Variants in EEIG2 observed in about 807,000 individuals in gnomAD.
EEIG2 encodes family with sequence similarity 102 member B.
chr1:108,629,876 T>C, the EEIG2 span: 1 of 562,344 alleles, frequency 1.8e-6, no homozygotes, highest in Non-Finnish European at 3.2e-6. Flanking sequence ...TTTAATTTCC[T>C]TAGAAATATT....
At chr1:108,598,470 CT>C in the EEIG2 span, among the ~76,000 whole-genome samples, 1 of 151,826 alleles carries the variant, frequency 6.6e-6, no homozygotes, top group Non-Finnish European at 1.5e-5. Flanking sequence ...AGTCCTCCAG[CT>C]GCCTGACAAG....
chr1:108,639,181 T>A, the EEIG2 span: 1 of 152,086 alleles, frequency 6.6e-6, no homozygotes, highest in African/African-American at 2.4e-5. Context: ...CATATTTATA[T>A]ATTTTATTTC....
chr1:108,560,124 GC>G, the EEIG2 span: 1 of 169,194 alleles, frequency 5.9e-6, no homozygotes. Flanking sequence ...GGCGGCGGAG[GC>G]GGCGGCGGCG....
At chr1:108,579,772 T>TGTGTGTGTGTGTGAGAGAGAGAGA in the EEIG2 span, among the ~76,000 whole-genome samples, 1 of 58,822 alleles carries the variant, frequency 1.7e-5, no homozygotes, top group Non-Finnish European at 3.3e-5. Flanking sequence ...TGTGTGTGTG[T>TGTGTGTGTGTGTGAGAGAGAGAGA]GAGAGAGAGA....
chr1:108,605,095 AGGATGAAAC>A, the EEIG2 span, among the ~76,000 whole-genome samples: 1 of 152,122 alleles, frequency 6.6e-6, no homozygotes. Flanking sequence ...AGGGAAAATA[AGGATGAAAC>A]CCCAATTGGA....
the EEIG2 span, among the ~76,000 whole-genome samples, chr1:108,611,517 T>C: frequency 6.6e-6 from 1 of 152,144 alleles, no homozygotes; most frequent in Non-Finnish European, 1.5e-5. Context: ...AGAGGGTTGA[T>C]GTGGGGCAGA....
chr1:108,579,772 T>TGTGTGTGTGTGTGAGA, the EEIG2 span, among the ~76,000 whole-genome samples: 47 of 58,868 alleles, frequency 8.0e-4, no homozygotes, highest in African/African-American at 2.9e-3. Flanking sequence ...TGTGTGTGTG[T>TGTGTGTGTGTGTGAGA]GAGAGAGAGA....
At chr1:108,628,881 C>T in the EEIG2 span, 7 of 1,330,538 alleles carry the variant, frequency 5.3e-6, no homozygotes, top group East Asian at 9.4e-5. Flanking sequence ...TAAAGAGGCT[C>T]AGAACATCAT....
At chr1:108,624,983 A>G in the EEIG2 span, 5 of 431,388 alleles carry the variant, frequency 1.2e-5, no homozygotes, top group East Asian at 1.8e-4. Flanking sequence ...TCTACTCCCC[A>G]CAGGTACAAG....
At chr1:108,572,309 A>G in the EEIG2 span, among the ~76,000 whole-genome samples, 22 of 152,164 alleles carry the variant, frequency 1.4e-4, no homozygotes, top group Non-Finnish European at 4.4e-5. Context: ...AATGGAAAAT[A>G]CGCAGAGTTT....
chr1:108,576,952 G>A, the EEIG2 span, among the ~76,000 whole-genome samples: 26 of 151,470 alleles, frequency 1.7e-4, no homozygotes, highest in Admixed American at 6.6e-4. Context: ...ATCCTCTCCA[G>A]CACCTGTTGT....
the EEIG2 span, among the ~76,000 whole-genome samples, chr1:108,573,291 G>A: frequency 1.3e-5 from 2 of 152,220 alleles, no homozygotes; most frequent in Non-Finnish European, 2.9e-5. Flanking sequence ...GATAGAGCAA[G>A]TCTAAAATTC....
chr1:108,635,312 G>C, the EEIG2 span: 2 of 787,572 alleles, frequency 2.5e-6, no homozygotes, highest in Non-Finnish European at 4.1e-6. Context: ...TCCTGTACCA[G>C]CCACCAAAGG....
At chr1:108,568,667 A>T in the EEIG2 span, among the ~76,000 whole-genome samples, 1 of 152,354 alleles carries the variant, frequency 6.6e-6, no homozygotes, top group East Asian at 1.9e-4. Context: ...CTTCTCTTTC[A>T]TATGAAGTCC....
At chr1:108,602,160 G>A in the EEIG2 span, among the ~76,000 whole-genome samples, 1 of 152,158 alleles carries the variant, frequency 6.6e-6, no homozygotes, top group Non-Finnish European at 1.5e-5. Context: ...TGAAGAAGGG[G>A]CAACCATGTA....
the EEIG2 span, chr1:108,612,376 G>C: frequency 2.1e-6 from 2 of 932,190 alleles, no homozygotes; most frequent in Non-Finnish European, 3.3e-6. Flanking sequence ...TCAAGGACAA[G>C]ATGTGAATCA....
At chr1:108,625,070 G>A in the EEIG2 span, 1 of 214,532 alleles carries the variant, frequency 4.7e-6, no homozygotes, top group Non-Finnish European at 9.3e-6. Flanking sequence ...TGCCTCTCGG[G>A]TGTCGCTCCT....
chr1:108,586,307 G>T, the EEIG2 span, among the ~76,000 whole-genome samples: 2 of 130,536 alleles, frequency 1.5e-5, no homozygotes, highest in Non-Finnish European at 3.2e-5. Context: ...GGTGGTTTAC[G>T]CAGAGGGGTG....
chr1:108,589,266 A>G, the EEIG2 span, among the ~76,000 whole-genome samples: 1 of 152,220 alleles, frequency 6.6e-6, no homozygotes, highest in South Asian at 2.1e-4. Flanking sequence ...GTTCTTTACT[A>G]TCAGCACTAA....
Sources: allele counts gnomAD v4.1 joint callset (sites outside exome capture counted in the v4.1 genomes callset), GRCh38; gene constraint gnomAD v4.1.1; transcripts MANE v1.5; gene names NCBI Gene and HGNC (gene_info 2026-07-23, HGNC 2026-07-21).